MIS18A: variants seen among roughly 807,000 people sequenced by gnomAD.
The protein encoded by MIS18A is MIS18 kinetochore protein A.
In MIS18A, 14 loss-of-function variants were observed where a neutral mutation model predicts 25.0. That is an observed-to-expected ratio of 0.56 (90% confidence interval 0.37 to 0.88). MIS18A has a LOEUF of 0.88. Ranked by LOEUF, MIS18A falls within the 40% of genes least tolerant of loss-of-function variation. The pLI, the probability that MIS18A is intolerant of heterozygous loss-of-function variation, is 0.00. For synonymous variants in MIS18A, 134 were observed against 118.6 expected (o/e 1.13, Z -0.84); for missense variants, 292 against 290.8 (o/e 1.00, Z -0.03).
At chr21:32,193,406 A>C in the MIS18A span, among the ~76,000 whole-genome samples, 464 of 152,278 alleles carry the variant, frequency 3.0e-3, 3 homozygotes, top group African/African-American at 0.01. Flanking sequence ...GCCCAAAGAG[A>C]AATTACCTCG....
chr21:32,168,906 T>C, the MIS18A span, among the ~76,000 whole-genome samples: 4 of 152,184 alleles, frequency 2.6e-5, no homozygotes, highest in African/African-American at 4.8e-5. Flanking sequence ...GTAAACAATC[T>C]ACATACTTCA....
the MIS18A span, among the ~76,000 whole-genome samples, chr21:32,192,282 C>T: frequency 6.6e-6 from 1 of 152,216 alleles, no homozygotes; most frequent in African/African-American, 2.4e-5. Flanking sequence ...GACCCTCACA[C>T]CAGGCCCTCC....
the MIS18A span, among the ~76,000 whole-genome samples, chr21:32,219,685 G>C: frequency 1.3e-5 from 2 of 152,138 alleles, no homozygotes. Flanking sequence ...TTTCCCAGAG[G>C]ATCCCACCCC....
At chr21:32,184,482 T>C in the MIS18A span, among the ~76,000 whole-genome samples, 1 of 152,278 alleles carries the variant, frequency 6.6e-6, no homozygotes, top group South Asian at 2.1e-4. Flanking sequence ...TTTTTCACAA[T>C]CTCTGTTCTT....
chr21:32,227,050 C>T, the MIS18A span, among the ~76,000 whole-genome samples: 4 of 151,996 alleles, frequency 2.6e-5, no homozygotes, highest in African/African-American at 9.7e-5. Context: ...CACAACATAT[C>T]TATGGGATGC....
the MIS18A span, among the ~76,000 whole-genome samples, chr21:32,164,054 A>G: frequency 1.3e-5 from 2 of 152,140 alleles, no homozygotes; most frequent in Admixed American, 1.3e-4. Context: ...AACTAAGAGT[A>G]AGAACTCATT....
At chr21:32,274,496 G>A (rs913462633) in intron 2 of MIS18A, among the ~76,000 whole-genome samples, 3 of 151,976 alleles carry the variant, frequency 2.0e-5, no homozygotes, top group African/African-American at 4.8e-5. Context: ...GTGAGCCACC[G>A]TGCCCGACCT....
At chr21:32,179,879 A>T in the MIS18A span, among the ~76,000 whole-genome samples, 18 of 152,158 alleles carry the variant, frequency 1.2e-4, no homozygotes, top group Non-Finnish European at 1.6e-4. Flanking sequence ...CTCTGCATAC[A>T]ATGTTCCAGT....
the MIS18A span, among the ~76,000 whole-genome samples, chr21:32,234,523 C>T: frequency 8.5e-5 from 13 of 152,108 alleles, no homozygotes; most frequent in Non-Finnish European, 1.6e-4. Context: ...AATGGTTGGG[C>T]CATGATGTGG....
At chr21:32,258,162 T>C in the MIS18A span, among the ~76,000 whole-genome samples, 14 of 152,026 alleles carry the variant, frequency 9.2e-5, no homozygotes, top group South Asian at 4.2e-4. Flanking sequence ...TCAGAAAGCA[T>C]TGGGGGAGGG....
chr21:32,246,476 G>C, the MIS18A span, among the ~76,000 whole-genome samples: 1 of 152,078 alleles, frequency 6.6e-6, no homozygotes, highest in Non-Finnish European at 1.5e-5. Flanking sequence ...GAGTCTGGCA[G>C]GGGGGAGAGG....
the MIS18A span, among the ~76,000 whole-genome samples, chr21:32,167,749 C>T: frequency 6.6e-6 from 1 of 152,092 alleles, no homozygotes; most frequent in African/African-American, 2.4e-5. Flanking sequence ...ATTACAAACT[C>T]TAAGCAAAGC....
downstream of MIS18A, among the ~76,000 whole-genome samples, chr21:32,265,893 CA>C (rs923824223): frequency 7.8e-4 from 119 of 151,954 alleles, no homozygotes; most frequent in Non-Finnish European, 2.4e-4. Context: ...GTGAGTGCAC[CA>C]ATCGGCACTC....
chr21:32,270,667 G>T, intron 2 of MIS18A, 138 bp from the exon 3 acceptor site: 1 of 853,716 alleles, frequency 1.2e-6, no homozygotes, highest in Non-Finnish European at 1.6e-6. Flanking sequence ...TAAAGGATAG[G>T]AAAAAATGAT....
downstream of MIS18A, among the ~76,000 whole-genome samples, chr21:32,263,796 G>A (rs1005728533): frequency 2.0e-5 from 3 of 151,024 alleles, no homozygotes; most frequent in South Asian, 4.2e-4. Context: ...AGCTGGGGTC[G>A]GGGAAGCCTT....
downstream of MIS18A, among the ~76,000 whole-genome samples, chr21:32,265,524 C>G (rs984596241): frequency 6.6e-6 from 1 of 152,232 alleles, no homozygotes; most frequent in South Asian, 2.1e-4. Flanking sequence ...GCCGGCCCAC[C>G]GGCGCTGTGC....
the MIS18A span, among the ~76,000 whole-genome samples, chr21:32,208,475 C>T: frequency 6.6e-6 from 1 of 152,146 alleles, no homozygotes; most frequent in South Asian, 2.1e-4. Flanking sequence ...TCACCTTCCA[C>T]CATGATTGTA....
At chr21:32,247,016 G>T in the MIS18A span, among the ~76,000 whole-genome samples, 1 of 152,092 alleles carries the variant, frequency 6.6e-6, no homozygotes, top group Non-Finnish European at 1.5e-5. Context: ...CGCAGATTAT[G>T]GGAAACACTC....
At chr21:32,242,538 A>G in the MIS18A span, among the ~76,000 whole-genome samples, 3 of 152,232 alleles carry the variant, frequency 2.0e-5, no homozygotes, top group African/African-American at 7.2e-5. Flanking sequence ...GAGCACAGCA[A>G]AAATGTCTCT....
Sources: gnomAD v4.1 joint callset for allele counts (sites outside exome capture counted in the v4.1 genomes callset) on GRCh38, gnomAD v4.1.1 for gene constraint, MANE v1.5 for transcripts, NCBI Gene and HGNC (gene_info 2026-07-23, HGNC 2026-07-21) for gene names.